The following EXD1 variants were observed in gnomAD, a reference collection of about 807,000 sequenced individuals.
EXD1 encodes piRNA biogenesis protein EXD1.
Under a neutral mutation model 49.1 loss-of-function variants are expected in EXD1, and 63 were observed. The ratio of observed to expected loss-of-function variants is 1.28; its 90% confidence interval spans 1.05 to 1.58. The LOEUF is 1.58. Among genes scored for constraint, EXD1 ranks in the 40% most tolerant of loss-of-function variants. The pLI, the probability that EXD1 is intolerant of heterozygous loss-of-function variation, is 0.00. For missense variants in EXD1, 748 were observed against 666.0 expected, an observed-to-expected ratio of 1.12 and a Z score of -1.36; for synonymous variants, 234 against 239.2, an observed-to-expected ratio of 0.98 and a Z score of 0.20.
chr15:41,189,929 G>A lies in EXD1; in HGVS notation c.1056+8C>T, dbSNP rs1275805924. On this transcript the variant is annotated splice_region_variant and intron_variant, in intron 11 of 11. Coordinates refer to ENST00000458580, the MANE Select transcript of EXD1 (RefSeq NM_001286441.2). ...AAGGAGGTCCTGAAGACAGAGAGCT[G>A]CACCTACCTCAGTGCCTCCAAGCCG... The A allele has an allele frequency of 6.2e-7, 1 of 1,613,276 alleles. No individual in the cohort carries two copies. Among genetic ancestry groups the A allele is most frequent in the Non-Finnish European group, 8.5e-7 (1 of 1,179,448 alleles).
At chr15:41,189,474 C>T (rs927637124) in intron 11 of EXD1, among the ~76,000 whole-genome samples, 3 of 151,544 alleles carry the variant, frequency 2.0e-5, no homozygotes, top group East Asian at 2.0e-4. Context: ...CCAGCCTGGC[C>T]AACATGGTGA....
intron 3 of EXD1, 48 bp downstream of exon 3, chr15:41,219,782 G>T: frequency 1.4e-6 from 2 of 1,387,806 alleles, no homozygotes; most frequent in East Asian, 2.5e-5. Context: ...TTCAAATATT[G>T]GAATGAAATC....
chr15:41,211,469 T>A lies in EXD1; in HGVS notation c.448-1882A>T, dbSNP rs186387003. On this transcript the variant is annotated intron_variant, in intron 6 of 11. Transcript: ENST00000458580. ...TGTCACGGACACTTTAAAGAATCTG[T>A]TGATACATAAATAATACTTACAACT... Among the ~76,000 whole-genome samples the A allele has an allele frequency of 2.0e-5, 3 of 152,120 alleles. No individual in the cohort carries two copies. The East Asian group carries it at 5.8e-4, about 29-fold the overall frequency.
intron 3 of EXD1, chr15:41,219,537 T>C (rs2047054462): frequency 3.7e-6 from 1 of 271,364 alleles, no homozygotes; most frequent in Admixed American, 5.2e-5. Flanking sequence ...GTGAATGGAC[T>C]GTGAATTTTA....
intron 7 of EXD1, among the ~76,000 whole-genome samples, chr15:41,196,290 C>T (rs1371350903): frequency 1.3e-5 from 2 of 149,482 alleles, no homozygotes; most frequent in Non-Finnish European, 3.0e-5. Flanking sequence ...TGATTACAGG[C>T]ATGCGGCACC....
At chr15:41,223,821 C>A (rs971666629) in intron 2 of EXD1, among the ~76,000 whole-genome samples, 1 of 150,476 alleles carries the variant, frequency 6.6e-6, no homozygotes, top group Admixed American at 6.6e-5. Flanking sequence ...GCCAAGATTG[C>A]ACCACTGCAC....
chr15:41,216,890 C>G (rs755408564), intron 4 of EXD1, 95 bp from the exon 5 acceptor site: 2 of 1,542,570 alleles, frequency 1.3e-6, no homozygotes, highest in Non-Finnish European at 1.7e-6. Context: ...GGACAGTGGT[C>G]CTTCATTAAC....
At chr15:41,198,637 C>T (rs78667604) in intron 7 of EXD1, among the ~76,000 whole-genome samples, 21,777 of 151,836 alleles carry the variant, frequency 0.14, 2,686 homozygotes, top group African/African-American at 0.33. Context: ...TGCAGTGAGC[C>T]GTGTTTGCAC....
chr15:41,200,944 G>A (rs927838467), intron 7 of EXD1, among the ~76,000 whole-genome samples: 1 of 151,738 alleles, frequency 6.6e-6, no homozygotes, highest in African/African-American at 2.4e-5. Context: ...TGTGATCTCG[G>A]CTCACTGCAA....
At chr15:41,229,982 A>G (rs921898806) in intron 1 of EXD1, among the ~76,000 whole-genome samples, 1 of 152,040 alleles carries the variant, frequency 6.6e-6, no homozygotes, top group Non-Finnish European at 1.5e-5. Context: ...TCCTTATCTT[A>G]TACGTGTTCT....
intron 6 of EXD1, among the ~76,000 whole-genome samples, chr15:41,210,626 G>A (rs1449868073): frequency 6.6e-6 from 1 of 151,850 alleles, no homozygotes; most frequent in East Asian, 1.9e-4. Context: ...GGAGGCTGAG[G>A]CTGCAGTGAG....
At chr15:41,199,759 C>CAT (rs1447517222) in intron 7 of EXD1, among the ~76,000 whole-genome samples, 164 of 12,368 alleles carry the variant, frequency 0.013, 3 homozygotes, top group African/African-American at 0.04. Flanking sequence ...ATATATGATA[C>CAT]ATATATGATA....
chr15:41,215,389 T>C lies in EXD1; in HGVS notation c.447+386A>G, dbSNP rs559173958. Among the ~76,000 whole-genome samples the C allele has an allele frequency of 8.1e-4, 123 of 152,136 alleles. 2 individuals are homozygous for C. Among genetic ancestry groups the C allele is most frequent in the Non-Finnish European group, 1.2e-4 (8 of 67,994 alleles). Reference sequence around the variant, plus strand: ...ATAGGAAAAAAAATCAAAAATCTTATAATAAAGAAATTTACAGCCGAGCGT... The same window carrying C: ...ATAGGAAAAAAAATCAAAAATCTTACAATAAAGAAATTTACAGCCGAGCGT... On this transcript the variant is annotated intron_variant, in intron 6 of 11. Transcript: ENST00000458580.
At chr15:41,206,824 G>A (rs1317802279) in intron 7 of EXD1, among the ~76,000 whole-genome samples, 4 of 134,770 alleles carry the variant, frequency 3.0e-5, no homozygotes, top group South Asian at 2.4e-4. Context: ...GTTTCACCAC[G>A]TTGGCCAGGC....
intron 7 of EXD1, among the ~76,000 whole-genome samples, chr15:41,199,868 T>TATATATATCATATATATATGATATATATA (rs1405085633): frequency 1.4e-5 from 2 of 144,982 alleles, no homozygotes; most frequent in East Asian, 2.0e-4. Context: ...ATATGATCTG[T>TATATATATCATATATATATGATATATATA]ATATATATCA....
chr15:41,191,547 G>T lies in EXD1; in HGVS notation c.759C>A (p.Gly253=), dbSNP rs1566975482. ...AAGTAGTGATGCAGTTTGGAAGATA[G>T]CCACCCGTTTCCATGGAAAACTGAA... is the stretch of plus-strand genomic sequence containing the variant. ...DVLQFSMETG[G]YLPNCITTLQ... Residue 253 remains glycine (G), a synonymous_variant, in exon 10 of 12, where the codon GGC becomes GGA. Transcript: ENST00000458580. The T allele has an allele frequency of 6.2e-7, 1 of 1,614,012 alleles. No homozygotes were observed. The highest frequency in any genetic ancestry group is 2.2e-5 in the East Asian group (1 of 44,864).
intron 5 of EXD1, among the ~76,000 whole-genome samples, chr15:41,216,304 TAAA>T (rs539573586): frequency 2.2e-5 from 3 of 137,534 alleles, no homozygotes; most frequent in Non-Finnish European, 1.6e-5. Context: ...CTGACCTGGT[TAAA>T]AAAAAAAAAA....
At chr15:41,211,017 AT>A (rs2046913594) in intron 6 of EXD1, among the ~76,000 whole-genome samples, 1 of 152,152 alleles carries the variant, frequency 6.6e-6, no homozygotes, top group Non-Finnish European at 1.5e-5. Context: ...ACTGATGAGA[AT>A]TCCTAATTAC....
chr15:41,222,830 G>A (rs1172774414), intron 2 of EXD1, among the ~76,000 whole-genome samples: 1 of 150,818 alleles, frequency 6.6e-6, no homozygotes, highest in Non-Finnish European at 1.5e-5. Flanking sequence ...CAGCTACTCG[G>A]GAGGCTGAGG....
Sources: gnomAD v4.1 joint callset for allele counts (sites outside exome capture counted in the v4.1 genomes callset) on GRCh38, gnomAD v4.1.1 for gene constraint, MANE v1.5 for transcripts, NCBI Gene and HGNC (gene_info 2026-07-23, HGNC 2026-07-21) for gene names.